Variants in PLCG2 observed in about 807,000 individuals in gnomAD.
PLCG2 encodes 1-phosphatidylinositol 4,5-bisphosphate phosphodiesterase gamma-2.
In PLCG2, 69 loss-of-function variants were observed where a neutral mutation model predicts 175.6. That is an observed-to-expected ratio of 0.39 (90% CI 0.32 to 0.48). The LOEUF (loss-of-function observed/expected upper bound fraction) is 0.48. Ranked by LOEUF, PLCG2 falls within the 20% of genes least tolerant of loss-of-function variation. The probability of loss-of-function intolerance (pLI) is 0.91; values close to 1 mark genes in which losing one functional copy is unlikely to be tolerated. For synonymous variants in PLCG2, 827 were observed against 624.0 expected, an observed-to-expected ratio of 1.33 and a Z score of -4.85; for missense variants, 1,798 against 1,650.9, an observed-to-expected ratio of 1.09 and a Z score of -1.54.
chr16:81,906,019 T>A (rs1195237178), intron 15 of PLCG2, among the ~76,000 whole-genome samples: 1 of 152,234 alleles, frequency 6.6e-6, no homozygotes, highest in Non-Finnish European at 1.5e-5. Context: ...AGATTAAATA[T>A]ATTTACACAC....
intron 2 of PLCG2, among the ~76,000 whole-genome samples, chr16:81,758,914 G>T (rs1184380481): frequency 6.6e-6 from 1 of 152,146 alleles, no homozygotes; most frequent in Non-Finnish European, 1.5e-5. Context: ...CTGACCTCAG[G>T]TGATCCACCT....
chr16:81,925,438 C>G lies in PLCG2; in HGVS notation c.2418-1644C>G, dbSNP rs140877512. On this transcript the variant is annotated intron_variant, in intron 22 of 32. Transcript: ENST00000564138. ...CAGCCAGCCCTTGCCAGAAGTGGGT[C>G]TGGAGAAATGGTGCGGGGGGGCGTG... 3.0e-3 allele frequency among the ~76,000 whole-genome samples: 453 copies of G among 152,156 alleles called. 9 individuals carry two copies. The highest frequency in any genetic ancestry group is 1.5e-3 in the East Asian group (8 of 5,184).
chr16:81,828,383 G>A (rs568139798), intron 2 of PLCG2, among the ~76,000 whole-genome samples: 2 of 151,306 alleles, frequency 1.3e-5, no homozygotes, highest in African/African-American at 4.8e-5. Context: ...GACTACAGGT[G>A]CCTGCCACCA....
intron 2 of PLCG2, among the ~76,000 whole-genome samples, chr16:81,830,753 C>G (rs1274939994): frequency 6.6e-6 from 1 of 151,460 alleles, no homozygotes; most frequent in East Asian, 1.9e-4. Flanking sequence ...GCAGCTGACT[C>G]CAGAGGACCC....
At chr16:81,879,088 G>A (rs1301649118) in intron 7 of PLCG2, among the ~76,000 whole-genome samples, 3 of 152,100 alleles carry the variant, frequency 2.0e-5, no homozygotes, top group African/African-American at 2.4e-5. Context: ...GGGGGAATGC[G>A]GTGCGGGCTT....
chr16:81,899,289 T>TATATATATATACACACACACAC (rs908648451), intron 13 of PLCG2, among the ~76,000 whole-genome samples: 6 of 92,418 alleles, frequency 6.5e-5, no homozygotes, highest in African/African-American at 1.9e-4. Flanking sequence ...TATATATATA[T>TATATATATATACACACACACAC]ACACACACAC....
chr16:81,788,139 C>T (rs960717990), intron 2 of PLCG2, among the ~76,000 whole-genome samples: 3 of 152,152 alleles, frequency 2.0e-5, no homozygotes, highest in African/African-American at 7.2e-5. Context: ...TAGGAACTGT[C>T]AGACTGTTTT....
chr16:81,860,779 T>C (rs181742206), intron 5 of PLCG2, among the ~76,000 whole-genome samples: 2 of 152,084 alleles, frequency 1.3e-5, no homozygotes, highest in Admixed American at 6.6e-5. Context: ...GAGACCAGCC[T>C]GGGCAACACG....
chr16:81,785,883 C>T (rs917270590), intron 1 of PLCG2, 60 bp from the exon 2 acceptor site: 5 of 1,053,200 alleles, frequency 4.7e-6, no homozygotes, highest in East Asian at 2.4e-5. Flanking sequence ...AGTTCATGCC[C>T]TGTTAACTAA....
chr16:81,868,737 G>C (rs1907366547), intron 5 of PLCG2, among the ~76,000 whole-genome samples: 2 of 152,198 alleles, frequency 1.3e-5, no homozygotes, highest in South Asian at 4.1e-4. Flanking sequence ...TTTGTATTGA[G>C]ATTATCTGGT....
At chr16:81,783,387 T>C (rs959655957) in intron 1 of PLCG2, among the ~76,000 whole-genome samples, 1 of 152,218 alleles carries the variant, frequency 6.6e-6, no homozygotes, top group Non-Finnish European at 1.5e-5. Flanking sequence ...ACACGTGCCA[T>C]GTTGGTGTGC....
At chr16:81,904,846 C>T (rs1044707455) in intron 14 of PLCG2, among the ~76,000 whole-genome samples, 1 of 152,090 alleles carries the variant, frequency 6.6e-6, no homozygotes, top group Non-Finnish European at 1.5e-5. Context: ...AGGCTTGGGG[C>T]TAGAGAGTGG....
At position 81,911,573 on chromosome 16, in the gene PLCG2, G is replaced by C. The variant is rs145853182; in HGVS notation, c.1934+853G>C. Among the ~76,000 whole-genome samples, 835 of 150,442 alleles carry C rather than the reference G, an allele frequency of 5.6e-3. 5 individuals are homozygous for C. Among genetic ancestry groups the C allele is most frequent in the African/African-American group, 0.019 (771 of 40,796 alleles). On this transcript the variant is annotated intron_variant, in intron 18 of 32. Transcript: ENST00000564138. ...CCACCTCAGCCTCCTATCTGGGACTGCAGGTGTGTGCCACTGTGCCCAGCT... is the reference window on the plus strand; with the variant it reads ...CCACCTCAGCCTCCTATCTGGGACTCCAGGTGTGTGCCACTGTGCCCAGCT...
intron 2 of PLCG2, among the ~76,000 whole-genome samples, chr16:81,803,178 G>C (rs1430648967): frequency 6.8e-6 from 1 of 147,386 alleles, no homozygotes; most frequent in Non-Finnish European, 1.5e-5. Flanking sequence ...GAGTGCAGTG[G>C]CATGATCTCG....
At chr16:81,849,771 CAAAAAAAAAAAAAA>C (rs34130863) in intron 2 of PLCG2, among the ~76,000 whole-genome samples, 2 of 83,150 alleles carry the variant, frequency 2.4e-5, no homozygotes, top group Non-Finnish European at 4.2e-5. Flanking sequence ...AACTCTGTCT[CAAAAAAAAAAAAAA>C]AAAAAAAAAA....
intron 24 of PLCG2, 168 bp from the exon 25 acceptor site, chr16:81,931,329 C>T (rs1026410505): frequency 1.8e-5 from 10 of 562,850 alleles, no homozygotes; most frequent in Admixed American, 3.2e-5. Context: ...GAGTAGTCAT[C>T]TGTGATGTGT....
chr16:81,868,491 C>A (rs1007113435), intron 5 of PLCG2, among the ~76,000 whole-genome samples: 4 of 152,186 alleles, frequency 2.6e-5, no homozygotes, highest in Non-Finnish European at 5.9e-5. Flanking sequence ...TTCTGCCAAG[C>A]CCGTCCTGTG....
chr16:81,744,614 G>C (rs944772116), intron 1 of PLCG2, among the ~76,000 whole-genome samples: 3 of 131,516 alleles, frequency 2.3e-5, no homozygotes, highest in African/African-American at 7.9e-5. Context: ...TTTTTTTTAA[G>C]ATAGTCGTGC....
At chr16:81,881,667 C>A (rs559405939) in intron 8 of PLCG2, among the ~76,000 whole-genome samples, 1 of 152,310 alleles carries the variant, frequency 6.6e-6, no homozygotes, top group Admixed American at 6.5e-5. Context: ...ATATTCGAGA[C>A]GGAGCCTCCC....
Sources: gnomAD v4.1 joint callset for allele counts (sites outside exome capture counted in the v4.1 genomes callset) on GRCh38, gnomAD v4.1.1 for gene constraint, MANE v1.5 for transcripts, NCBI Gene and HGNC (gene_info 2026-07-23, HGNC 2026-07-21) for gene names.